Variants in SORCS3 observed in about 807,000 individuals in gnomAD.
SORCS3 encodes the protein sortilin related VPS10 domain containing receptor 3.
In SORCS3, 57 loss-of-function variants were observed where a neutral mutation model predicts 146.3. That is an observed-to-expected ratio of 0.39 (90% CI 0.31 to 0.49). The LOEUF (loss-of-function observed/expected upper bound fraction) is 0.49. SORCS3 is among the 20% of genes least tolerant of loss of function. The pLI is 0.92. For synonymous variants in SORCS3, 653 were observed against 618.5 expected (o/e 1.06, Z -0.83); for missense variants, 1,341 against 1,575.5 (o/e 0.85, Z 2.52).
At chr10:105,017,808 T>A (rs1026331162) in intron 4 of SORCS3, among the ~76,000 whole-genome samples, 2 of 152,188 alleles carry the variant, frequency 1.3e-5, no homozygotes, top group Admixed American at 1.3e-4. Context: ...GGTCCTTGAT[T>A]AGAAGGAACT....
chr10:105,014,123 A>G (rs1208953536), intron 4 of SORCS3, among the ~76,000 whole-genome samples: 2 of 147,808 alleles, frequency 1.4e-5, no homozygotes, highest in Non-Finnish European at 3.0e-5. Context: ...ATATATATAC[A>G]TATATATATA....
At chr10:104,982,840 G>T (rs1159463875) in intron 4 of SORCS3, among the ~76,000 whole-genome samples, 1 of 152,126 alleles carries the variant, frequency 6.6e-6, no homozygotes, top group Non-Finnish European at 1.5e-5. Context: ...CTGAATGACA[G>T]AACTGGTTTA....
chr10:105,120,431 G>A (rs915783610), intron 7 of SORCS3, among the ~76,000 whole-genome samples: 1 of 152,100 alleles, frequency 6.6e-6, no homozygotes, highest in African/African-American at 2.4e-5. Flanking sequence ...TACAGTGTCA[G>A]TTACTATGCA....
At chr10:104,652,406 T>C (rs1358933294) in intron 1 of SORCS3, among the ~76,000 whole-genome samples, 1 of 152,160 alleles carries the variant, frequency 6.6e-6, no homozygotes, top group Non-Finnish European at 1.5e-5. Context: ...CACAATCCTG[T>C]TTACTCCCTT....
chr10:104,804,900 A>T (rs543273730), intron 1 of SORCS3, among the ~76,000 whole-genome samples: 1 of 152,174 alleles, frequency 6.6e-6, no homozygotes, highest in African/African-American at 2.4e-5. Context: ...CTCTAGCTAG[A>T]TACTCTGAGG....
intron 1 of SORCS3, 68 bp downstream of exon 1, chr10:104,642,022 G>GGGGGGGGGGGGGCCCCCCC: frequency 9.2e-5 from 16 of 173,326 alleles, no homozygotes; most frequent in East Asian, 3.0e-4. Context: ...GGGTGGGTGG[G>GGGGGGGGGGGGGCCCCCCC]AGCGAGGGAC....
intron 1 of SORCS3, among the ~76,000 whole-genome samples, chr10:104,736,832 C>T (rs537963089): frequency 6.6e-6 from 1 of 150,952 alleles, no homozygotes; most frequent in Admixed American, 6.6e-5. Context: ...GCACAATGTG[C>T]AGGTTAGTTA....
rs138808524 is a variant in SORCS3 at position 105,147,283 on chromosome 10, G to C, written c.1303-334G>C. Among the ~76,000 whole-genome samples, 19 of 152,118 alleles carry C rather than the reference G, an allele frequency of 1.2e-4. 1 individual carries two copies. Among genetic ancestry groups the C allele is most frequent in the Admixed American group, 5.2e-4 (8 of 15,250 alleles). ...AAGATAGGCTCTGTCTTCATTGCAT[G>C]TGTGAGCTTCCTTTAGCAAGGGTGT... is the stretch of plus-strand genomic sequence containing the variant. On this transcript the variant is annotated intron_variant, in intron 8 of 26. Coordinates refer to ENST00000369701, the MANE Select transcript of SORCS3 (RefSeq NM_014978.3).
intron 1 of SORCS3, among the ~76,000 whole-genome samples, chr10:104,655,651 G>A (rs925571447): frequency 6.6e-6 from 1 of 152,182 alleles, no homozygotes; most frequent in African/African-American, 2.4e-5. Flanking sequence ...TTGGTGGGAG[G>A]TGATTGGATC....
intron 1 of SORCS3, among the ~76,000 whole-genome samples, chr10:104,666,448 T>C (rs974818384): frequency 1.3e-5 from 2 of 152,210 alleles, no homozygotes; most frequent in Non-Finnish European, 2.9e-5. Flanking sequence ...AGGATTTTTC[T>C]GTCCGGATCC....
At chr10:104,792,740 G>T (rs532961782) in intron 1 of SORCS3, among the ~76,000 whole-genome samples, 4 of 152,034 alleles carry the variant, frequency 2.6e-5, no homozygotes, top group African/African-American at 7.2e-5. Flanking sequence ...TTGGATTTAC[G>T]TGGGTTTACT....
chr10:105,131,585 G>A (rs2056019283), intron 7 of SORCS3, among the ~76,000 whole-genome samples: 2 of 152,158 alleles, frequency 1.3e-5, no homozygotes, highest in African/African-American at 4.8e-5. Context: ...GGCCGTGGGT[G>A]CATTAGTCTG....
intron 1 of SORCS3, among the ~76,000 whole-genome samples, chr10:104,820,646 A>G (rs1445740140): frequency 2.0e-5 from 3 of 152,190 alleles, no homozygotes; most frequent in Non-Finnish European, 2.9e-5. Flanking sequence ...TTTAATTGTA[A>G]AGGATTGAGT....
chr10:105,117,950 C>A (rs2055904766), intron 7 of SORCS3, among the ~76,000 whole-genome samples: 1 of 152,172 alleles, frequency 6.6e-6, no homozygotes, highest in South Asian at 2.1e-4. Context: ...CCTCTCATCT[C>A]TCCATCTTTC....
At chr10:104,918,178 A>G (rs139578071) in intron 3 of SORCS3, among the ~76,000 whole-genome samples, 1,887 of 152,314 alleles carry the variant, frequency 0.012, 44 homozygotes, top group African/African-American at 0.042. Flanking sequence ...AAATATGCCT[A>G]TGCCACAAAA....
intron 4 of SORCS3, among the ~76,000 whole-genome samples, chr10:104,978,756 T>A (rs1421501730): frequency 2.0e-5 from 3 of 152,230 alleles, no homozygotes; most frequent in Non-Finnish European, 4.4e-5. Flanking sequence ...TCTTCCAGTA[T>A]GTTAATACTA....
intron 4 of SORCS3, among the ~76,000 whole-genome samples, chr10:105,025,837 A>ACACACACAC (rs2055224875): frequency 2.2e-5 from 3 of 135,418 alleles, no homozygotes; most frequent in African/African-American, 8.4e-5. Flanking sequence ...TGTCTTCTCA[A>ACACACACAC]ACACACACAC....
intron 1 of SORCS3, among the ~76,000 whole-genome samples, chr10:104,738,589 G>T (rs1031044077): frequency 6.6e-6 from 1 of 152,146 alleles, no homozygotes; most frequent in Non-Finnish European, 1.5e-5. Flanking sequence ...CTTTGGGACA[G>T]ATCTTTATGG....
intron 3 of SORCS3, among the ~76,000 whole-genome samples, chr10:104,939,760 T>C (rs1445977831): frequency 6.6e-6 from 1 of 152,168 alleles, no homozygotes; most frequent in African/African-American, 2.4e-5. Context: ...GATTTGGGCA[T>C]GGATTTGTCT....
Sources: gnomAD v4.1 joint callset for allele counts (sites outside exome capture counted in the v4.1 genomes callset) on GRCh38, gnomAD v4.1.1 for gene constraint, MANE v1.5 for transcripts, NCBI Gene and HGNC (gene_info 2026-07-23, HGNC 2026-07-21) for gene names.